The following COL7A1 variants were observed in gnomAD, a reference collection of about 807,000 sequenced individuals.
The protein encoded by COL7A1 is collagen type VII alpha 1 chain.
A neutral mutation model predicts 456.2 loss-of-function variants in COL7A1; 296 were observed. The ratio of observed to expected loss-of-function variants is 0.65; its 90% CI spans 0.59 to 0.71. The LOEUF (loss-of-function observed/expected upper bound fraction) is 0.71, where lower values mean the gene tolerates loss of function less well. Among genes scored for constraint, COL7A1 ranks in the 30% least tolerant of loss-of-function variants. The pLI, the probability that COL7A1 is intolerant of heterozygous loss-of-function variation, is 0.00. For synonymous variants in COL7A1, 1,464 were observed against 1,525.9 expected (o/e 0.96, Z 0.95); for missense variants, 3,441 against 4,017.2 (o/e 0.86, Z 3.88).
Position 48,566,026 on chromosome 3 carries a change from C to T in COL7A1, c.8407+241G>A, listed in dbSNP as rs1210709715. Among the ~76,000 whole-genome samples, 1 of 152,054 alleles carries T rather than the reference C, an allele frequency of 6.6e-6. No individual in the cohort carries two copies. Among genetic ancestry groups the T allele is most frequent in the Non-Finnish European group, 1.5e-5 (1 of 68,024 alleles). On this transcript the variant is annotated intron_variant, in intron 114 of 118. Transcript: ENST00000681320. The surrounding 1 kb of genome is among the most constrained non-coding windows in gnomAD (Gnocchi z 5.9). ...GACCAGCTCTGCTCCCACCATCATC[C>T]CACTCCCCACACAGCCAAGCTGGAC...
Position 48,587,000 on chromosome 3 carries a change from A to G in COL7A1, c.3248T>C (p.Leu1083Pro). The change falls in exon 25 of 119, where the codon CTT becomes CCT. Residue 1083 changes from leucine to proline, a missense_variant. By Grantham distance (98) the Leu-to-Pro change is moderately conservative (BLOSUM62 -3). Coordinates refer to ENST00000681320, the MANE Select transcript of COL7A1 (RefSeq NM_000094.4). The surrounding 1 kb of genome is among the most constrained non-coding windows in gnomAD (Gnocchi z 5.1). ...AACTGCCTGTGGCCCAAGAGGCCCA[A>G]GTGCCAACACCAGACGCTCCAGGAC... ...RRVLERLVLA[L>P]GPLGPQAVQV... 6.2e-7 allele frequency: 1 copy of G among 1,600,304 alleles called. No homozygotes were observed. Among genetic ancestry groups the G allele is most frequent in the Non-Finnish European group, 8.5e-7 (1 of 1,173,650 alleles).
At position 48,576,730 on chromosome 3, in the gene COL7A1, G is replaced by A; in HGVS notation, c.5646C>T (p.Ile1882=). The change falls in exon 68 of 119, where the codon ATC becomes ATT. Residue 1882 remains isoleucine, a synonymous_variant. Transcript: ENST00000681320. The part of the protein sequence containing the change: ...GPKGERGAPG[I]LGPQGPPGLP... ...GGCCTGGAGGCCCCTGGGGTCCAAGGATACCAGGAGCTCCACGCTCACCCT... is the reference window on the plus strand; with the variant it reads ...GGCCTGGAGGCCCCTGGGGTCCAAGAATACCAGGAGCTCCACGCTCACCCT... 6.2e-7 allele frequency: 1 copy of A among 1,611,818 alleles called. No individual in the cohort carries two copies. The highest frequency in any genetic ancestry group is 8.5e-7 in the Non-Finnish European group (1 of 1,179,244).
chr3:48,569,968 G>A lies in COL7A1; in HGVS notation c.7486-53C>T. ...ACAGGAACCAGGGCAGTGGAGGACG[G>A]AGGAGGATCAGGGGGAGGAGGGAAA... On this transcript the variant is annotated intron_variant, in intron 99 of 118. Coordinates refer to ENST00000681320, the MANE Select transcript of COL7A1 (RefSeq NM_000094.4). This position sits in a 1 kb window ranked among gnomAD's most constrained non-coding sequence, Gnocchi z 4.9. The A allele has an allele frequency of 1.2e-6, 2 of 1,612,232 alleles. No individual in the cohort carries two copies. Among genetic ancestry groups the A allele is most frequent in the Non-Finnish European group, 8.5e-7 (1 of 1,178,670 alleles).
Position 48,573,193 on chromosome 3 carries a change from G to T in COL7A1, c.6695C>A (p.Pro2232His). 6.2e-7 allele frequency: 1 copy of T among 1,614,126 alleles called. No homozygotes were observed. Among genetic ancestry groups the T allele is most frequent in the Non-Finnish European group, 8.5e-7 (1 of 1,180,014 alleles). The stretch of plus-strand genomic sequence containing the variant: ...ACTCACCACAAGGCCTGAAGGGCCG[G>T]GGGGTCCAGGAAGTCCCACAGCTCC... ...PTGAVGLPGPPGPSGLVGPQG... is the reference protein window; with the variant it reads ...PTGAVGLPGPHGPSGLVGPQG... The change falls in exon 85 of 119, where the codon CCC becomes CAC. Residue 2232 changes from proline (P) to histidine (H), a missense_variant. Pro to His is a moderately conservative substitution (Grantham distance 77). Transcript: ENST00000681320. The surrounding 1 kb of genome is among the most constrained non-coding windows in gnomAD (Gnocchi z 5.5).
chr3:48,576,142 A>G, intron 71 of COL7A1, 107 bp downstream of exon 71: 1 of 1,551,132 alleles, frequency 6.4e-7, no homozygotes, highest in Non-Finnish European at 8.8e-7. Flanking sequence ...GGCACTGAAC[A>G]CACAGCACAG....
rs2043599889 is a variant in COL7A1, at chr3:48,566,256, G to A, written c.8407+11C>T. 9 of 1,596,180 alleles carry A rather than the reference G, an allele frequency of 5.6e-6. No homozygotes were observed. The East Asian group carries it at 2.0e-4, about 36-fold the overall frequency. On this transcript the variant is annotated intron_variant, in intron 114 of 118. Transcript: ENST00000681320. This position sits in a 1 kb window ranked among gnomAD's most constrained non-coding sequence, Gnocchi z 5.9. ...GGTGGAGTGGGAGACTGCGGGCTGG[G>A]CACCACTCACCACAGTGCTGACTCA...
In COL7A1 at chr3:48,588,576, A is replaced by T. The variant is rs942692512; in HGVS notation, c.2587+66T>A. The T allele has an allele frequency of 1.9e-6, 3 of 1,612,618 alleles. No individual in the cohort carries two copies. The highest frequency in any genetic ancestry group is 2.5e-6 in the Non-Finnish European group (3 of 1,179,428). On this transcript the variant is annotated intron_variant, in intron 20 of 118. Transcript: ENST00000681320. The surrounding 1 kb of genome is among the most constrained non-coding windows in gnomAD (Gnocchi z 4.6). ...CCTGGTCCTTTCTCCAATCCAGAGC[A>T]CAAGCCCGGATCCCCAAACCATCCA...
Position 48,592,985 on chromosome 3 carries a change from A to G in COL7A1, c.683-47T>C. The G allele has an allele frequency of 1.9e-6, 3 of 1,612,806 alleles. No homozygotes were observed. Among genetic ancestry groups the G allele is most frequent in the Non-Finnish European group, 1.7e-6 (2 of 1,179,696 alleles). On this transcript the variant is annotated intron_variant, in intron 6 of 118. Coordinates refer to ENST00000681320, the MANE Select transcript of COL7A1 (RefSeq NM_000094.4). The surrounding 1 kb of genome is among the most constrained non-coding windows in gnomAD (Gnocchi z 7.6). ...ATCAGGCAGGAGGATTGGGGTGGGC[A>G]TGTATGATGCAGAGTTGGGGTCGGG...
rs1462309588 is a variant in COL7A1, at chr3:48,579,066, G to A, written c.5389-112C>T. On this transcript the variant is annotated intron_variant, in intron 62 of 118. Transcript: ENST00000681320. This position sits in a 1 kb window ranked among gnomAD's most constrained non-coding sequence, Gnocchi z 4.4. ...ATGCCCCACCCAGGCAGGGCTCTGG[G>A]AGAAGACACAGACAACAGGTCTCGC... 27 of 1,565,004 alleles carry A rather than the reference G, an allele frequency of 1.7e-5. 1 individual carries two copies. Among genetic ancestry groups the A allele is most frequent in the Non-Finnish European group, 2.2e-5 (25 of 1,137,470 alleles).
Position 48,564,192 on chromosome 3 carries a change from C to T in COL7A1, c.*214G>A, listed in dbSNP as rs969796122. 3.1e-6 allele frequency: 2 copies of T among 648,158 alleles called. No individual in the cohort carries two copies. Among genetic ancestry groups the T allele is most frequent in the African/African-American group, 1.8e-5 (1 of 56,266 alleles). The allele number at this position is 648,158 out of a possible 1,614,324, so 40.2% of individuals were successfully genotyped here. ...CTCACTGCCCACAGCCACCCCCCCA[C>T]AGTGAGTCATCTGCCAGGGTGGCAG... On this transcript the variant is annotated 3_prime_UTR_variant, in exon 119 of 119. Transcript: ENST00000681320. The surrounding 1 kb of genome is among the most constrained non-coding windows in gnomAD (Gnocchi z 6.0).
rs747599747 is a variant in COL7A1 at position 48,566,610 on chromosome 3, C to T, written c.8305-47G>A. On this transcript the variant is annotated intron_variant, in intron 112 of 118. Transcript: ENST00000681320. The surrounding 1 kb of genome is among the most constrained non-coding windows in gnomAD (Gnocchi z 5.9). ...AGGCTGTGACCTCTGACCTCAGGGA[C>T]AACAGAAGTCACCCCGATCTCTGAC... 4.3e-6 allele frequency: 7 copies of T among 1,614,160 alleles called. No homozygotes were observed. The South Asian group carries it at 6.6e-5, about 15-fold the overall frequency.
rs751768659 is a variant in COL7A1 at position 48,565,480 on chromosome 3, A to G, written c.8457T>C (p.Tyr2819=). 3.1e-6 allele frequency: 5 copies of G among 1,613,466 alleles called. No homozygotes were observed. The highest frequency in any genetic ancestry group is 2.2e-5 in the East Asian group (1 of 44,882). The stretch of plus-strand genomic sequence containing the variant: ...GCTGGGAGCCGGCAGTGTCTGCAGC[A>G]TAACTAGGGAGGGGTCCTGGAGCCA... ...IASGSRPLPS[Y]AADTAGSQLH... The change falls in exon 116 of 119, where the codon TAT becomes TAC. Residue 2819 remains tyrosine, a synonymous_variant. Coordinates refer to ENST00000681320, the MANE Select transcript of COL7A1 (RefSeq NM_000094.4). The surrounding 1 kb of genome is among the most constrained non-coding windows in gnomAD (Gnocchi z 4.5).
chr3:48,576,156 C>G lies in COL7A1; in HGVS notation c.5820+93G>C. On this transcript the variant is annotated intron_variant, in intron 71 of 118. Transcript: ENST00000681320. Reference sequence around the variant, plus strand: ...GGGCACTGAACACACAGCACAGAACCTATGGAGCCTCATGGCAAGGGGAAG... The same window carrying G: ...GGGCACTGAACACACAGCACAGAACGTATGGAGCCTCATGGCAAGGGGAAG... 3 of 1,578,602 alleles carry G rather than the reference C, an allele frequency of 1.9e-6. No individual in the cohort carries two copies. The South Asian group carries it at 3.3e-5, about 18-fold the overall frequency.
Position 48,585,094 on chromosome 3 carries a change from C to A in COL7A1, c.3917G>T (p.Arg1306Leu), listed in dbSNP as rs558424479. Reference protein sequence around the residue: ...GERGFPGADGRPGSPGRAGNP... With the variant: ...GERGFPGADGLPGSPGRAGNP... ...CCCGGCGCGGCCAGGGCTGCCTGGA[C>A]GCCCATCTGCTCCAGGGAAGCCCTG... The change falls in exon 33 of 119, where the codon CGT becomes CTT. Residue 1306 changes from arginine to leucine, a missense_variant. Transcript: ENST00000681320. The surrounding 1 kb of genome is among the most constrained non-coding windows in gnomAD (Gnocchi z 4.5). 1 of 1,611,814 alleles carries A rather than the reference C, an allele frequency of 6.2e-7. No individual in the cohort carries two copies.
Position 48,567,438 on chromosome 3 carries a change from G to T in COL7A1, c.8046+136C>A. On this transcript the variant is annotated intron_variant, in intron 109 of 118. Transcript: ENST00000681320. The surrounding 1 kb of genome is among the most constrained non-coding windows in gnomAD (Gnocchi z 4.3). ...TGACCCCAACCCACCTTGACACCTC[G>T]AGACCAGCCCCACTTCAGCCCCCAA... The T allele has an allele frequency of 7.8e-7, 1 of 1,289,298 alleles. No individual in the cohort carries two copies. Among genetic ancestry groups the T allele is most frequent in the Non-Finnish European group, 1.1e-6 (1 of 902,992 alleles). 79.9% of individuals were successfully genotyped at this position (1,289,298 alleles called of 1,614,324 possible). A position where few individuals can be genotyped will look rare whatever the true frequency, so the allele number is the denominator to read the frequency against.
In COL7A1 at chr3:48,588,959, A is replaced by T; in HGVS notation, c.2351T>A (p.Ile784Asn). Reference sequence around the variant, plus strand: ...TAGAACGTCGCTGGAAGCATTGAGGATCTGCAGCCTCGACACACGACCCAC... The same window carrying T: ...TAGAACGTCGCTGGAAGCATTGAGGTTCTGCAGCCTCGACACACGACCCAC... The part of the protein sequence containing the change: ...EPVGRVSRLQ[I>N]LNASSDVLRI... Residue 784 changes from isoleucine to asparagine, a missense_variant, in exon 19 of 119, where the codon ATC becomes AAC. Physicochemically the swap from Ile to Asn is moderately radical, Grantham distance 149. Around this residue, in one of 3 missense-constraint regions of COL7A1, gnomAD observed 913 missense variants for 1,088.2 expected, o/e 0.84. Transcript: ENST00000681320. The surrounding 1 kb of genome is among the most constrained non-coding windows in gnomAD (Gnocchi z 4.6). The T allele has an allele frequency of 6.2e-7, 1 of 1,613,546 alleles. No homozygotes were observed. The highest frequency in any genetic ancestry group is 1.1e-5 in the South Asian group (1 of 91,082).
chr3:48,588,486 C>T lies in COL7A1; in HGVS notation c.2588-82G>A, dbSNP rs1245218189. ...CCCAGGCCCACCCTGGCACACGCAC[C>T]CCGCCCAGCCTCTCAGACCCCTCTC... On this transcript the variant is annotated intron_variant, in intron 20 of 118. Coordinates refer to ENST00000681320, the MANE Select transcript of COL7A1 (RefSeq NM_000094.4). This position sits in a 1 kb window ranked among gnomAD's most constrained non-coding sequence, Gnocchi z 4.6. 2 of 1,594,264 alleles carry T rather than the reference C, an allele frequency of 1.3e-6. No homozygotes were observed. Among genetic ancestry groups the T allele is most frequent in the Admixed American group, 3.4e-5 (2 of 58,954 alleles).
In COL7A1 at chr3:48,575,791, C is replaced by T. The variant is rs1249165227; in HGVS notation, c.5857-43G>A. ...GTCAGAGGAGCGGGGTGCGTCGCCG[C>T]AGCCCCTATGCCTGTGGGCACCACT... On this transcript the variant is annotated intron_variant, in intron 72 of 118. Coordinates refer to ENST00000681320, the MANE Select transcript of COL7A1 (RefSeq NM_000094.4). The surrounding 1 kb of genome is among the most constrained non-coding windows in gnomAD (Gnocchi z 6.3). 2.5e-6 allele frequency: 4 copies of T among 1,613,904 alleles called. No homozygotes were observed. The highest frequency in any genetic ancestry group is 3.4e-6 in the Non-Finnish European group (4 of 1,180,014).
chr3:48,564,672 G>A lies in COL7A1; in HGVS notation c.8818+111C>T, dbSNP rs1277987616. The A allele has an allele frequency of 5.9e-5, 75 of 1,274,586 alleles. No individual in the cohort carries two copies. The highest frequency in any genetic ancestry group is 7.7e-5 in the Non-Finnish European group (71 of 920,266). The allele number at this position is 1,274,586 out of a possible 1,614,324, so 79.0% of individuals were successfully genotyped here. On this transcript the variant is annotated intron_variant, in intron 118 of 118. Transcript: ENST00000681320. This position sits in a 1 kb window ranked among gnomAD's most constrained non-coding sequence, Gnocchi z 6.0. ...GCCCCAGGTCCCCTACTGCGAGGGA[G>A]CGTCTCCTCCAGGACCCTGACCTGG...
Sources: allele counts gnomAD v4.1 joint callset (sites outside exome capture counted in the v4.1 genomes callset), GRCh38; gene constraint gnomAD v4.1.1; regional missense constraint gnomAD v4.1.1; non-coding constraint Gnocchi (gnomAD v3.1); transcripts MANE v1.5; gene names NCBI Gene and HGNC (gene_info 2026-07-23, HGNC 2026-07-21).